The following NEO1 variants were observed in gnomAD, a reference collection of about 807,000 sequenced individuals.
NEO1 encodes the protein neogenin.
In NEO1, 63 loss-of-function variants were observed where a neutral mutation model predicts 159.7. The observed-to-expected ratio is 0.39, with a 90% CI of 0.32 to 0.49. The LOEUF (loss-of-function observed/expected upper bound fraction) is 0.49. Ranked by LOEUF, NEO1 falls within the 20% of genes least tolerant of loss-of-function variation. NEO1 has a pLI of 0.85. For missense variants in NEO1, 1,615 were observed against 1,831.0 expected, an observed-to-expected ratio of 0.88 and a Z score of 2.15; for synonymous variants, 633 against 662.0, an observed-to-expected ratio of 0.96 and a Z score of 0.67.
At chr15:73,144,930 C>G (rs936005463) in intron 5 of NEO1, among the ~76,000 whole-genome samples, 26 of 152,098 alleles carry the variant, frequency 1.7e-4, no homozygotes, top group African/African-American at 5.1e-4. Flanking sequence ...TGCTTTCACT[C>G]CCCTGATTCA....
intron 18 of NEO1, among the ~76,000 whole-genome samples, chr15:73,270,976 G>A (rs749342337): frequency 1.3e-5 from 2 of 152,234 alleles, no homozygotes; most frequent in Non-Finnish European, 2.9e-5. Flanking sequence ...GGTTTTTGCT[G>A]ACTTTTAGAC....
intron 10 of NEO1, 134 bp from the exon 11 acceptor site, chr15:73,249,449 C>T: frequency 9.6e-7 from 1 of 1,041,816 alleles, no homozygotes; most frequent in Non-Finnish European, 1.4e-6. Flanking sequence ...TCTGCTTTGA[C>T]TATTGAAGAA....
At chr15:73,104,777 T>A (rs1002273539) in intron 1 of NEO1, among the ~76,000 whole-genome samples, 1 of 152,070 alleles carries the variant, frequency 6.6e-6, no homozygotes, top group African/African-American at 2.4e-5. Context: ...AAACTTACAG[T>A]AATGGTGGTG....
intron 7 of NEO1, among the ~76,000 whole-genome samples, chr15:73,227,684 T>A (rs1172569428): frequency 1.3e-5 from 2 of 152,232 alleles, no homozygotes; most frequent in African/African-American, 4.8e-5. Context: ...TTTGAAAATG[T>A]AATACCTTTT....
rs2070919063 is a variant in NEO1, at chr15:73,110,481, G to T, written c.131-6059G>T. On this transcript the variant is annotated intron_variant, in intron 1 of 28. Coordinates refer to ENST00000261908, the MANE Select transcript of NEO1 (RefSeq NM_002499.4). ...TTTACTCTGGGTACAATAAAGTTTAGAATTATTACTGGTCACACACAATTA... is the reference window on the plus strand; with the variant it reads ...TTTACTCTGGGTACAATAAAGTTTATAATTATTACTGGTCACACACAATTA... Among the ~76,000 whole-genome samples the T allele has an allele frequency of 7.2e-5, 11 of 152,238 alleles. 1 individual carries two copies. The South Asian group carries it at 2.3e-3, about 32-fold the overall frequency.
chr15:73,286,085 C>CCACCCG (rs1567697815), intron 23 of NEO1, among the ~76,000 whole-genome samples: 1 of 145,668 alleles, frequency 6.9e-6, no homozygotes, highest in Admixed American at 6.8e-5. Flanking sequence ...ACCCCCACCC[C>CCACCCG]CTGTATGGTC....
intron 1 of NEO1, among the ~76,000 whole-genome samples, chr15:73,106,123 CT>C (rs2070679759): frequency 6.6e-6 from 1 of 152,144 alleles, no homozygotes; most frequent in Non-Finnish European, 1.5e-5. Flanking sequence ...TCCATTTTTA[CT>C]GTTTAGATGT....
chr15:73,104,565 A>T (rs921473373), intron 1 of NEO1, among the ~76,000 whole-genome samples: 41 of 152,212 alleles, frequency 2.7e-4, no homozygotes, highest in African/African-American at 9.2e-4. Context: ...ATTGATGCTA[A>T]AATTAGAAAA....
intron 8 of NEO1, among the ~76,000 whole-genome samples, chr15:73,243,378 T>C (rs1330417892): frequency 6.6e-6 from 1 of 152,234 alleles, no homozygotes; most frequent in Non-Finnish European, 1.5e-5. Flanking sequence ...TTTAATTCAA[T>C]AAATTAGAAT....
At position 73,305,197 on chromosome 15, in the gene NEO1, C is replaced by A. The variant is rs1250304457; in HGVS notation, c.*2501C>A. ...TGGAAATCCAATACACTTTTTTAAT[C>A]CAATCAAACTCTGGTCTGGTCAAAG... is the stretch of plus-strand genomic sequence containing the variant. On this transcript the variant is annotated 3_prime_UTR_variant, in exon 29 of 29. Coordinates refer to ENST00000261908, the MANE Select transcript of NEO1 (RefSeq NM_002499.4). The A allele has an allele frequency of 7.2e-5, 11 of 152,024 alleles. No homozygotes were observed. The highest frequency in any genetic ancestry group is 6.5e-4 in the Admixed American group (10 of 15,274). 9.4% of individuals were successfully genotyped at this position (152,024 alleles called of 1,614,324 possible).
At chr15:73,161,812 C>A in intron 5 of NEO1, 1 of 294,822 alleles carries the variant, frequency 3.4e-6, no homozygotes, top group Non-Finnish European at 6.5e-6. Context: ...CTTGAATTAC[C>A]TCCTGGTCAG....
intron 7 of NEO1, among the ~76,000 whole-genome samples, chr15:73,227,896 A>G (rs1356080357): frequency 6.6e-6 from 1 of 152,224 alleles, no homozygotes; most frequent in Non-Finnish European, 1.5e-5. Flanking sequence ...GAGGACTTTG[A>G]ACACTGTCCT....
chr15:73,249,695 A>G lies in NEO1; in HGVS notation c.1868A>G (p.Asp623Gly). Reference protein sequence around the residue: ...NKHGPGVSTPDVAVRTLSDVP... With the variant: ...NKHGPGVSTPGVAVRTLSDVP... Reference sequence around the variant, plus strand: ...CATGGTCCTGGAGTTTCCACACCAGATGTTGCTGTTCGAACATTGTCAGAT... The same window carrying G: ...CATGGTCCTGGAGTTTCCACACCAGGTGTTGCTGTTCGAACATTGTCAGAT... The change falls in exon 11 of 29, where the codon GAT (aspartate) becomes GGT (glycine). Residue 623 changes from aspartate (D) to glycine (G), a missense_variant. Coordinates refer to ENST00000261908, the MANE Select transcript of NEO1 (RefSeq NM_002499.4). 1 of 1,612,512 alleles carries G rather than the reference A, an allele frequency of 6.2e-7. No homozygotes were observed. The highest frequency in any genetic ancestry group is 2.2e-5 in the East Asian group (1 of 44,858).
intron 7 of NEO1, among the ~76,000 whole-genome samples, chr15:73,218,378 T>C (rs1333414743): frequency 6.6e-6 from 1 of 151,754 alleles, no homozygotes; most frequent in East Asian, 1.9e-4. Flanking sequence ...GATATTGGTC[T>C]AAAATTCTCT....
intron 5 of NEO1, among the ~76,000 whole-genome samples, chr15:73,139,603 G>A (rs2032182899): frequency 6.6e-6 from 1 of 152,216 alleles, no homozygotes; most frequent in South Asian, 2.1e-4. Context: ...CCCGGGGTTG[G>A]CAGAGTACAG....
intron 7 of NEO1, among the ~76,000 whole-genome samples, chr15:73,194,601 G>A (rs1231871169): frequency 6.6e-6 from 1 of 152,116 alleles, no homozygotes; most frequent in Admixed American, 6.5e-5. Context: ...AAGACATCAG[G>A]CCATTCCTGA....
intron 22 of NEO1, among the ~76,000 whole-genome samples, chr15:73,279,356 T>TG (rs2041581041): frequency 4.3e-5 from 6 of 138,760 alleles, no homozygotes; most frequent in African/African-American, 1.3e-4. Flanking sequence ...TTTTGGTTTT[T>TG]TTTTTTTTTT....
chr15:73,301,650 G>T, intron 28 of NEO1, 193 bp downstream of exon 28: 1 of 697,728 alleles, frequency 1.4e-6, no homozygotes, highest in Non-Finnish European at 2.3e-6. Flanking sequence ...AGGACTTGGT[G>T]TGCTTTCTTT....
chr15:73,065,616 G>T (rs1331469095), intron 1 of NEO1, among the ~76,000 whole-genome samples: 1 of 152,028 alleles, frequency 6.6e-6, no homozygotes. Flanking sequence ...CCCGTCTTTG[G>T]CCACTTTTAA....
Sources: gnomAD v4.1 joint callset for allele counts (sites outside exome capture counted in the v4.1 genomes callset) on GRCh38, gnomAD v4.1.1 for gene constraint, MANE v1.5 for transcripts, NCBI Gene and HGNC (gene_info 2026-07-23, HGNC 2026-07-21) for gene names.